The following CEP72 variants were observed in gnomAD, a reference collection of about 807,000 sequenced individuals.
CEP72 encodes the protein centrosomal protein of 72 kDa.
CEP72 carries 78 observed loss-of-function variants against 65.7 expected under a neutral mutation model. The ratio of observed to expected loss-of-function variants is 1.19; its 90% CI spans 0.99 to 1.43. CEP72 has a LOEUF of 1.43. Ranked by LOEUF, CEP72 falls within the 40% of genes most tolerant of loss-of-function variation. The pLI is 0.00. For synonymous variants in CEP72, 358 were observed against 351.7 expected, an observed-to-expected ratio of 1.02 and a Z score of -0.20; for missense variants, 914 against 832.9, an observed-to-expected ratio of 1.10 and a Z score of -1.20.
At chr5:669,742 G>C (rs2126879356), downstream of CEP72, among the ~76,000 whole-genome samples, 1 of 152,214 alleles carries the variant, frequency 6.6e-6, no homozygotes, top group East Asian at 1.9e-4. Context: ...GAGTGTCTCG[G>C]GGAAAGGGCG....
downstream of CEP72, among the ~76,000 whole-genome samples, chr5:667,495 G>A (rs1739969241): frequency 6.6e-6 from 1 of 152,168 alleles, no homozygotes; most frequent in Admixed American, 6.5e-5. Context: ...TCTGTGACCT[G>A]GGGTTAGGCG....
At chr5:636,938 A>T (rs1407272639) in intron 6 of CEP72, among the ~76,000 whole-genome samples, 2 of 152,044 alleles carry the variant, frequency 1.3e-5, no homozygotes. Flanking sequence ...CCGCTGCAGG[A>T]TGTGATGGGT....
downstream of CEP72, chr5:661,519 T>TAA (rs1451543764): frequency 6.6e-6 from 1 of 152,422 alleles, no homozygotes; most frequent in East Asian, 1.9e-4. Context: ...TATTCACAAA[T>TAA]ACACATTTAT....
intron 11 of CEP72, 77 bp from the exon 12 acceptor site, chr5:652,911 G>C: frequency 2.8e-6 from 4 of 1,437,880 alleles, no homozygotes. Context: ...CAGGGAGGTG[G>C]GCAGGCCCAG....
At chr5:636,852 T>TGA (rs1318385166) in intron 6 of CEP72, among the ~76,000 whole-genome samples, 1 of 150,734 alleles carries the variant, frequency 6.6e-6, no homozygotes, top group Non-Finnish European at 1.5e-5. Flanking sequence ...TTGTCTCGCG[T>TGA]GACCCTGGCG....
chr5:638,075 A>G (rs551858570), intron 7 of CEP72, among the ~76,000 whole-genome samples: 2 of 152,256 alleles, frequency 1.3e-5, no homozygotes, highest in Admixed American at 1.3e-4. Flanking sequence ...GAATCATCAC[A>G]CTTAGGGTTC....
At chr5:640,783 A>T in intron 9 of CEP72, 179 bp downstream of exon 9, 1 of 985,396 alleles carries the variant, frequency 1.0e-6, no homozygotes, top group Non-Finnish European at 1.2e-6. Flanking sequence ...GCCCTGTCTC[A>T]CAACAGGCCT....
Position 623,759 on chromosome 5 carries a change from G to A in CEP72, c.404-712G>A, listed in dbSNP as rs1332302877. 6.6e-6 allele frequency among the ~76,000 whole-genome samples: 1 copy of A among 151,990 alleles called. No homozygotes were observed. The highest frequency in any genetic ancestry group is 1.9e-4 in the East Asian group (1 of 5,184). Reference sequence around the variant, plus strand: ...CCCAGGTTGCAGAGGCCTCTGACTCGGCATCTTTGTGTGATTATCAGAACT... The same window carrying A: ...CCCAGGTTGCAGAGGCCTCTGACTCAGCATCTTTGTGTGATTATCAGAACT... On this transcript the variant is annotated intron_variant, in intron 3 of 11. Transcript: ENST00000264935. This position sits in a 1 kb window ranked among gnomAD's most constrained non-coding sequence, Gnocchi z 5.3.
Position 620,139 on chromosome 5 carries a change from T to C in CEP72, c.281T>C (p.Val94Ala), listed in dbSNP as rs1476075973. The C allele has an allele frequency of 6.2e-7, 1 of 1,614,178 alleles. No individual in the cohort carries two copies. The highest frequency in any genetic ancestry group is 1.7e-5 in the Admixed American group (1 of 60,016). The change falls in exon 3 of 12, where the codon GTG (valine) becomes GCG (alanine). Residue 94 changes from valine (V) to alanine (A), a missense_variant. Coordinates refer to ENST00000264935, the MANE Select transcript of CEP72 (RefSeq NM_018140.4). ...YYNCISSLAE[V>A]FRLHALTELV... Reference sequence around the variant, plus strand: ...AACTGCATCTCCTCGTTGGCAGAAGTGTTTCGGCTCCACGCCTTAACCGAG... The same window carrying C: ...AACTGCATCTCCTCGTTGGCAGAAGCGTTTCGGCTCCACGCCTTAACCGAG...
At chr5:668,327 G>A (rs1211712116), downstream of CEP72, among the ~76,000 whole-genome samples, 1 of 102,112 alleles carries the variant, frequency 9.8e-6, no homozygotes, top group Non-Finnish European at 2.0e-5. Context: ...AGAGGGGGCC[G>A]TGTGGGCGCC....
chr5:670,118 ACTGGGACCCGGC>A (rs1228403096), downstream of CEP72, among the ~76,000 whole-genome samples: 2 of 152,080 alleles, frequency 1.3e-5, no homozygotes, highest in African/African-American at 4.8e-5. Flanking sequence ...TCTCAGGGAC[ACTGGGACCCGGC>A]CTGGGGCCTC....
chr5:628,849 C>G (rs1197095666), intron 4 of CEP72, among the ~76,000 whole-genome samples: 2 of 128,510 alleles, frequency 1.6e-5, no homozygotes, highest in African/African-American at 6.3e-5. Flanking sequence ...CAGGACCCAG[C>G]GCCCTTCTTT....
At chr5:652,395 C>G (rs1287301632) in intron 11 of CEP72, among the ~76,000 whole-genome samples, 1 of 152,188 alleles carries the variant, frequency 6.6e-6, no homozygotes, top group African/African-American at 2.4e-5. Flanking sequence ...TCAGTGGGCC[C>G]TGCCTTGTCT....
At chr5:671,915 G>C (rs542301418), downstream of CEP72, among the ~76,000 whole-genome samples, 283 of 152,330 alleles carry the variant, frequency 1.9e-3, 1 homozygote, top group African/African-American at 6.4e-3. Flanking sequence ...CACGGGGGAG[G>C]GGGAGGGGAG....
downstream of CEP72, among the ~76,000 whole-genome samples, chr5:668,316 G>C (rs1740028562): frequency 1.0e-5 from 1 of 98,832 alleles, no homozygotes; most frequent in Non-Finnish European, 2.0e-5. Context: ...CAAGCACACA[G>C]AGAGGGGGCC....
downstream of CEP72, among the ~76,000 whole-genome samples, chr5:671,847 A>G (rs960361946): frequency 5.9e-5 from 9 of 152,200 alleles, no homozygotes; most frequent in African/African-American, 2.2e-4. Context: ...ACCCACAGCA[A>G]TGGAGGGACA....
chr5:652,877 GGCCAGGGCACCTTCGT>G (rs1739197686), intron 11 of CEP72, 95 bp from the exon 12 acceptor site: 1 of 1,225,910 alleles, frequency 8.2e-7, no homozygotes, highest in Non-Finnish European at 1.1e-6. Flanking sequence ...CTGTGTGCAG[GGCCAGGGCACCTTCGT>G]GCCCATGCAG....
downstream of CEP72, among the ~76,000 whole-genome samples, chr5:656,293 T>G (rs755709985): frequency 6.6e-6 from 1 of 152,232 alleles, no homozygotes; most frequent in Non-Finnish European, 1.5e-5. Flanking sequence ...TTTGACCCTT[T>G]GTGTTTCATA....
chr5:654,053 CTGTG>C (rs367576868), downstream of CEP72, among the ~76,000 whole-genome samples: 20 of 130,546 alleles, frequency 1.5e-4, no homozygotes, highest in African/African-American at 2.4e-4. Flanking sequence ...TGTGTGCTAG[CTGTG>C]TGTGTGTGCT....
Sources: allele counts gnomAD v4.1 joint callset (sites outside exome capture counted in the v4.1 genomes callset), GRCh38; gene constraint gnomAD v4.1.1; non-coding constraint Gnocchi (gnomAD v3.1); transcripts MANE v1.5; gene names NCBI Gene and HGNC (gene_info 2026-07-23, HGNC 2026-07-21).